The following MTUS2 variants were observed in gnomAD, a reference collection of about 807,000 sequenced individuals.
The protein encoded by MTUS2 is microtubule associated scaffold protein 2, also known as microtubule-associated tumor suppressor candidate 2.
In MTUS2, 40 loss-of-function variants were observed where a neutral mutation model predicts 114.1. The ratio of observed to expected loss-of-function variants is 0.35; its 90% CI spans 0.27 to 0.46. MTUS2 has a LOEUF of 0.46. Among genes scored for constraint, MTUS2 ranks in the 20% least tolerant of loss-of-function variants. MTUS2 has a pLI of 1.00. For missense variants in MTUS2, 1,679 were observed against 1,705.4 expected (o/e 0.98, Z 0.27); for synonymous variants, 688 against 672.0 (o/e 1.02, Z -0.37).
Position 29,248,578 on chromosome 13 carries a change from C to T in MTUS2, c.2645-33126C>T, listed in dbSNP as rs192506017. Reference sequence around the variant, plus strand: ...GTTTGCTGTACCTCTCAACTCATCACCTAGGTTTTAAGCCCCACATGCATT... The same window carrying T: ...GTTTGCTGTACCTCTCAACTCATCATCTAGGTTTTAAGCCCCACATGCATT... On this transcript the variant is annotated intron_variant, in intron 5 of 15. Transcript: ENST00000612955. 5.3e-5 allele frequency among the ~76,000 whole-genome samples: 8 copies of T among 152,130 alleles called. No homozygotes were observed. In the East Asian group the frequency reaches 1.5e-3, roughly 29 times the overall value.
chr13:29,228,794 G>C (rs1371703997), intron 5 of MTUS2, among the ~76,000 whole-genome samples: 6 of 152,146 alleles, frequency 3.9e-5, no homozygotes, highest in African/African-American at 1.4e-4. Flanking sequence ...CATAAAATTA[G>C]ACGTGTGATA....
At chr13:28,849,429 C>T (rs111537425) in intron 2 of MTUS2, among the ~76,000 whole-genome samples, 112 of 152,320 alleles carry the variant, frequency 7.4e-4, no homozygotes, top group African/African-American at 2.6e-3. Context: ...AGTTGGTCTA[C>T]AGCCACAGAG....
At chr13:29,088,271 T>A (rs1286859804) in intron 4 of MTUS2, among the ~76,000 whole-genome samples, 3 of 129,728 alleles carry the variant, frequency 2.3e-5, no homozygotes, top group Non-Finnish European at 3.4e-5. Flanking sequence ...AATTTTCATG[T>A]AATTATATGG....
At chr13:29,307,895 T>G in intron 6 of MTUS2, 1 of 548,088 alleles carries the variant, frequency 1.8e-6, no homozygotes, top group Non-Finnish European at 3.3e-6. Context: ...CCTCAGAGTT[T>G]CCATGCAGAT....
At chr13:29,013,902 A>G (rs1056530137) in intron 2 of MTUS2, among the ~76,000 whole-genome samples, 48 of 152,284 alleles carry the variant, frequency 3.2e-4, no homozygotes, top group African/African-American at 1.1e-3. Flanking sequence ...TCATATTTCT[A>G]TTCAATGGCA....
At chr13:28,866,415 C>T (rs188970099) in intron 2 of MTUS2, among the ~76,000 whole-genome samples, 9 of 152,232 alleles carry the variant, frequency 5.9e-5, no homozygotes, top group East Asian at 3.9e-4. Context: ...ATGATAGTAG[C>T]GAAGAGCTGT....
chr13:29,050,165 GA>G (rs1887824731), intron 4 of MTUS2, among the ~76,000 whole-genome samples: 1 of 151,916 alleles, frequency 6.6e-6, no homozygotes, highest in Non-Finnish European at 1.5e-5. Flanking sequence ...GGGTCCCTAG[GA>G]AACCCAAAAA....
intron 4 of MTUS2, among the ~76,000 whole-genome samples, chr13:29,078,571 A>G (rs1376297155): frequency 6.6e-6 from 1 of 152,254 alleles, no homozygotes; most frequent in Non-Finnish European, 1.5e-5. Context: ...AATTATGCAA[A>G]TATCACTGCA....
At chr13:28,921,226 T>TA (rs1171384952) in intron 2 of MTUS2, among the ~76,000 whole-genome samples, 1 of 151,850 alleles carries the variant, frequency 6.6e-6, no homozygotes, top group African/African-American at 2.4e-5. Flanking sequence ...TGCTGGGTAT[T>TA]TAGGGCCCAA....
chr13:28,910,080 C>A (rs979334883), intron 2 of MTUS2, among the ~76,000 whole-genome samples: 1 of 152,026 alleles, frequency 6.6e-6, no homozygotes, highest in Admixed American at 6.6e-5. Context: ...TAAACTATTA[C>A]TGACTGTAGT....
At chr13:29,089,788 G>C (rs1889855980) in intron 4 of MTUS2, among the ~76,000 whole-genome samples, 2 of 152,154 alleles carry the variant, frequency 1.3e-5, no homozygotes. Flanking sequence ...TTCATTTCTG[G>C]AAGTTCAGTT....
chr13:28,960,770 A>G (rs926610059), intron 2 of MTUS2, among the ~76,000 whole-genome samples: 16 of 152,360 alleles, frequency 1.1e-4, no homozygotes, highest in Non-Finnish European at 2.4e-4. Context: ...TTCTGGCATT[A>G]GGTAGTGGTA....
intron 2 of MTUS2, among the ~76,000 whole-genome samples, chr13:28,918,524 T>A (rs915078733): frequency 1.3e-5 from 2 of 151,992 alleles, no homozygotes; most frequent in Non-Finnish European, 1.5e-5. Context: ...TTTTTTTCCA[T>A]CCTTTTATTT....
intron 2 of MTUS2, among the ~76,000 whole-genome samples, chr13:28,885,955 G>A (rs1177062152): frequency 6.6e-6 from 1 of 152,204 alleles, no homozygotes. Flanking sequence ...TCACAGGGTG[G>A]GTGACACTGG....
intron 4 of MTUS2, among the ~76,000 whole-genome samples, chr13:29,073,201 C>G (rs1446288965): frequency 6.6e-6 from 1 of 152,114 alleles, no homozygotes; most frequent in Non-Finnish European, 1.5e-5. Context: ...TCTAATAACC[C>G]AAAAATGCTT....
intron 2 of MTUS2, among the ~76,000 whole-genome samples, chr13:28,977,050 T>C (rs1448913270): frequency 6.6e-6 from 1 of 152,076 alleles, no homozygotes; most frequent in Admixed American, 6.5e-5. Flanking sequence ...TTTTATCAAA[T>C]CTCTGCTTGT....
chr13:29,367,611 A>T (rs938454505), intron 8 of MTUS2, among the ~76,000 whole-genome samples: 2 of 152,052 alleles, frequency 1.3e-5, no homozygotes, highest in African/African-American at 4.8e-5. Context: ...GGTCAGGGGG[A>T]CCTGGGGTCC....
chr13:29,001,472 G>A (rs1885381440), intron 2 of MTUS2, among the ~76,000 whole-genome samples: 1 of 152,150 alleles, frequency 6.6e-6, no homozygotes, highest in African/African-American at 2.4e-5. Context: ...GGTGACTCCA[G>A]GCTGTTTGCC....
intron 8 of MTUS2, among the ~76,000 whole-genome samples, chr13:29,369,783 A>G (rs1057229278): frequency 6.6e-6 from 1 of 152,208 alleles, no homozygotes; most frequent in East Asian, 1.9e-4. Context: ...GAGAACAAAG[A>G]TTTATCATAA....
Sources: gnomAD v4.1 joint callset for allele counts (sites outside exome capture counted in the v4.1 genomes callset) on GRCh38, gnomAD v4.1.1 for gene constraint, MANE v1.5 for transcripts, NCBI Gene and HGNC (gene_info 2026-07-23, HGNC 2026-07-21) for gene names.